Variants in URB1 observed in about 807,000 individuals in gnomAD.
The protein encoded by URB1 is URB1 ribosome biogenesis factor, also known as nucleolar pre-ribosomal-associated protein 1.
A neutral mutation model predicts 242.3 loss-of-function variants in URB1; 197 were observed. The observed-to-expected ratio is 0.81, with a 90% CI of 0.72 to 0.91. URB1 has a LOEUF of 0.91. URB1 is among the 40% of genes least tolerant of loss of function. The pLI is 0.00. For missense variants in URB1, 2,721 were observed against 2,860.5 expected (o/e 0.95, Z 1.11); for synonymous variants, 1,153 against 1,201.8 (o/e 0.96, Z 0.84).
chr21:32,373,681 T>C lies in URB1; in HGVS notation c.842A>G (p.Asn281Ser). 1.3e-6 allele frequency: 2 copies of C among 1,545,482 alleles called. No homozygotes were observed. The highest frequency in any genetic ancestry group is 2.5e-5 in the East Asian group (1 of 40,400). The change falls in exon 7 of 39, where the codon AAT becomes AGT. Residue 281 changes from asparagine (N) to serine (S), a missense_variant. Transcript: ENST00000382751. ...TTCTGGGTTCACATCGGTAATCCCA[T>C]TCCAGTTGTACAGCGATGCTATGTG... is the stretch of plus-strand genomic sequence containing the variant. ...LNHIASLYNW[N>S]GITDVNPENV... is the part of the protein sequence containing the mutation.
In URB1 at chr21:32,316,932, C is replaced by T; in HGVS notation, c.6168G>A (p.Lys2056=). Residue 2056 remains lysine (K), a synonymous_variant, in exon 38 of 39, where the codon AAG becomes AAA. Coordinates refer to ENST00000382751, the MANE Select transcript of URB1 (RefSeq NM_014825.3). ...AAGTCAAGATGGACCTCAGGAGGCC[C>T]TTGCATGTCTCCAAGGTAGATGCCA... ...ELMASTLETC[K]GLLRSILTYW... The T allele has an allele frequency of 6.4e-7, 1 of 1,551,730 alleles. No homozygotes were observed. Among genetic ancestry groups the T allele is most frequent in the Non-Finnish European group, 8.7e-7 (1 of 1,146,998 alleles).
Position 32,357,634 on chromosome 21 carries a change from A to G in URB1, c.1892T>C (p.Ile631Thr), listed in dbSNP as rs2033237486. The G allele has an allele frequency of 2.0e-6, 3 of 1,506,214 alleles. No homozygotes were observed. The highest frequency in any genetic ancestry group is 2.7e-6 in the Non-Finnish European group (3 of 1,128,372). The allele number at this position is 1,506,214 out of a possible 1,614,324, so 93.3% of individuals were successfully genotyped here. A position where few individuals can be genotyped will look rare whatever the true frequency, so the allele number is the denominator to read the frequency against. The change falls in exon 15 of 39, where the codon ATT (isoleucine) becomes ACT (threonine). Residue 631 changes from isoleucine to threonine, a missense_variant. Physicochemically the swap from Ile to Thr is moderately conservative, Grantham distance 89. Transcript: ENST00000382751. ...GTAAAATACTGATCGTTCACCTCCAATAATTTCTGCATCTGGGCCTTCCTA... is the reference window on the plus strand; with the variant it reads ...GTAAAATACTGATCGTTCACCTCCAGTAATTTCTGCATCTGGGCCTTCCTA... ...KAQEGPDAEI[I>T]GGERSVFYLL...
At position 32,347,560 on chromosome 21, in the gene URB1, C is replaced by G. The variant is rs749124282; in HGVS notation, c.3264G>C (p.Gln1088His). Residue 1088 changes from glutamine to histidine, a missense_variant, in exon 22 of 39, where the codon CAG becomes CAC. Physicochemically the swap from Gln to His is conservative, Grantham distance 24. Coordinates refer to ENST00000382751, the MANE Select transcript of URB1 (RefSeq NM_014825.3). ...ATGTGGCCGGGCCCGCCCTCCTGTT[C>G]TGAAGTTCCTTCAGCACACTCTGGG... ...AITQSVLKEL[Q>H]NRRAGPATSP... 1.3e-5 allele frequency: 20 copies of G among 1,551,192 alleles called. No individual in the cohort carries two copies. The South Asian group carries it at 2.3e-4, about 18-fold the overall frequency.
intron 5 of URB1, chr21:32,377,280 A>C (rs980734156): frequency 1.9e-6 from 1 of 516,088 alleles, no homozygotes; most frequent in Non-Finnish European, 3.9e-6. Context: ...GGGTACTATG[A>C]GAGGTCCAGG....
intron 21 of URB1, 72 bp from the exon 22 acceptor site, chr21:32,347,883 A>G: frequency 6.8e-7 from 1 of 1,461,484 alleles, no homozygotes; most frequent in Non-Finnish European, 9.0e-7. Flanking sequence ...GCTGCCACGC[A>G]AGTATTCACT....
chr21:32,351,004 A>G (rs2033151364), intron 19 of URB1, 82 bp from the exon 20 acceptor site: 5 of 1,350,816 alleles, frequency 3.7e-6, no homozygotes, highest in Non-Finnish European at 4.0e-6. Flanking sequence ...GTAACACACA[A>G]CAAACGGACA....
rs894141461 is a variant in URB1, at chr21:32,319,202, G to A, written c.5792+15C>T. 3.5e-5 allele frequency: 53 copies of A among 1,535,150 alleles called. No homozygotes were observed. The highest frequency in any genetic ancestry group is 4.6e-5 in the Non-Finnish European group (52 of 1,142,256). ...AAGAGGCCAGAAGGGCCCCCCTGGC[G>A]GGGGCAGGACTCACCTCAGGTGCTT... On this transcript the variant is annotated intron_variant, in intron 36 of 38. Transcript: ENST00000382751.
rs1189568612 is a variant in URB1, at chr21:32,317,671, C to T, written c.6034+5G>A. On this transcript the variant is annotated splice_donor_5th_base_variant and intron_variant, in intron 37 of 38. Coordinates refer to ENST00000382751, the MANE Select transcript of URB1 (RefSeq NM_014825.3). The stretch of plus-strand genomic sequence containing the variant: ...TCTGGGCCAGTCCTGGGTTCTGACA[C>T]TCACTCATGAGCTCCCGGGCTTGGG... 1.3e-6 allele frequency: 2 copies of T among 1,551,548 alleles called. No homozygotes were observed. Among genetic ancestry groups the T allele is most frequent in the South Asian group, 1.2e-5 (1 of 84,054 alleles).
intron 5 of URB1, chr21:32,377,462 A>G (rs1021370857): frequency 4.3e-5 from 15 of 347,424 alleles, no homozygotes; most frequent in Non-Finnish European, 8.3e-5. Context: ...GAAATGGCCC[A>G]CGGGAATTTG....
intron 32 of URB1, 44 bp downstream of exon 32, chr21:32,324,447 T>C (rs2123548793): frequency 6.7e-7 from 1 of 1,482,452 alleles, no homozygotes; most frequent in Non-Finnish European, 9.2e-7. Context: ...CTTGCTCAGC[T>C]TCAGCTTTTC....
intron 24 of URB1, among the ~76,000 whole-genome samples, chr21:32,344,124 TA>T (rs2033059322): frequency 6.6e-6 from 1 of 152,086 alleles, no homozygotes; most frequent in African/African-American, 2.4e-5. Context: ...TGCAGGAAAA[TA>T]AAATTACAAA....
intron 25 of URB1, 141 bp downstream of exon 25, chr21:32,341,325 T>TC: frequency 1.3e-6 from 1 of 773,874 alleles, no homozygotes; most frequent in Non-Finnish European, 2.0e-6. Context: ...ATTTAACTTC[T>TC]CCAACTTCTA....
chr21:32,337,627 A>G lies in URB1; in HGVS notation c.4511-113T>C, dbSNP rs547051814. On this transcript the variant is annotated intron_variant, in intron 26 of 38. Transcript: ENST00000382751. Reference sequence around the variant, plus strand: ...AAATGCTGGAAATCTCCTCCTCTGAATAATACTGGTGTTTGGACTGCCATC... The same window carrying G: ...AAATGCTGGAAATCTCCTCCTCTGAGTAATACTGGTGTTTGGACTGCCATC... The G allele has an allele frequency of 1.0e-5, 8 of 775,772 alleles. No individual in the cohort carries two copies. In the East Asian group the frequency reaches 1.4e-4, roughly 13 times the overall value. 48.1% of individuals were successfully genotyped at this position (775,772 alleles called of 1,614,324 possible).
intron 4 of URB1, among the ~76,000 whole-genome samples, chr21:32,378,978 G>A (rs1226064113): frequency 6.6e-6 from 1 of 152,248 alleles, no homozygotes; most frequent in African/African-American, 2.4e-5. Flanking sequence ...TGCTTTTGGT[G>A]AGACACCAAT....
In URB1 at chr21:32,347,040, G is replaced by C; in HGVS notation, c.3784C>G (p.Gln1262Glu). 6.5e-7 allele frequency: 1 copy of C among 1,549,930 alleles called. No individual in the cohort carries two copies. ...CLQAGPGLGL[Q>E]GDLDDFLPLI... ...GGAAGGAAGTCGTCCAGGTCCCCCTGGAGGCCGAGCCCTGGGCCAGCCTGC... is the reference window on the plus strand; with the variant it reads ...GGAAGGAAGTCGTCCAGGTCCCCCTCGAGGCCGAGCCCTGGGCCAGCCTGC... Residue 1262 changes from glutamine (Q) to glutamate (E), a missense_variant, in exon 22 of 39, where the codon CAG becomes GAG. Physicochemically the swap from Gln to Glu is conservative, Grantham distance 29. Transcript: ENST00000382751.
chr21:32,356,117 A>G (rs1568822912), intron 15 of URB1, among the ~76,000 whole-genome samples: 1 of 152,246 alleles, frequency 6.6e-6, no homozygotes, highest in Non-Finnish European at 1.5e-5. Flanking sequence ...ATAGGGGCTC[A>G]TGCCTGTAAT....
chr21:32,378,730 G>C (rs535677729), intron 4 of URB1, among the ~76,000 whole-genome samples, 189 bp from the exon 5 acceptor site: 1 of 152,110 alleles, frequency 6.6e-6, no homozygotes, highest in Non-Finnish European at 1.5e-5. Context: ...AATTTTTTCC[G>C]TTCTCTTTCC....
intron 37 of URB1, 144 bp downstream of exon 37, chr21:32,317,532 C>G: frequency 4.6e-6 from 6 of 1,310,184 alleles, no homozygotes; most frequent in Non-Finnish European, 6.1e-6. Context: ...AGCTCCCCAT[C>G]CAGGGCTCCA....
chr21:32,380,158 C>G (rs1480653042), intron 4 of URB1, among the ~76,000 whole-genome samples: 2 of 152,166 alleles, frequency 1.3e-5, no homozygotes, highest in Non-Finnish European at 2.9e-5. Flanking sequence ...AAGGACCATA[C>G]TTGGCATCAG....
Sources: allele counts gnomAD v4.1 joint callset (sites outside exome capture counted in the v4.1 genomes callset), GRCh38; gene constraint gnomAD v4.1.1; transcripts MANE v1.5; gene names NCBI Gene and HGNC (gene_info 2026-07-23, HGNC 2026-07-21).